The following BRWD1 variants were observed in gnomAD, a reference collection of about 807,000 sequenced individuals.
BRWD1 encodes bromodomain and WD repeat-containing protein 1.
A neutral mutation model predicts 251.2 loss-of-function variants in BRWD1; 82 were observed. The observed-to-expected ratio is 0.33, with a 90% CI of 0.27 to 0.39. The LOEUF (loss-of-function observed/expected upper bound fraction) is 0.39, where lower values mean the gene tolerates loss of function less well. BRWD1 is among the 10% of genes least tolerant of loss of function. The pLI is 1.00. For synonymous variants in BRWD1, 918 were observed against 902.8 expected (o/e 1.02, Z -0.30); for missense variants, 2,233 against 2,711.6 (o/e 0.82, Z 3.92).
intron 4 of BRWD1, among the ~76,000 whole-genome samples, chr21:39,302,204 G>C (rs997377661): frequency 6.6e-6 from 1 of 151,356 alleles, no homozygotes; most frequent in African/African-American, 2.4e-5. Flanking sequence ...GGCTGGTCTC[G>C]AACTCCTGAC....
chr21:39,256,077 C>T (rs1171561706), intron 18 of BRWD1, among the ~76,000 whole-genome samples: 1 of 152,186 alleles, frequency 6.6e-6, no homozygotes, highest in Non-Finnish European at 1.5e-5. Flanking sequence ...CCACGGCTTC[C>T]CAAAGTGCTG....
At chr21:39,211,686 C>T (rs1051364451) in intron 34 of BRWD1, among the ~76,000 whole-genome samples, 11 of 152,106 alleles carry the variant, frequency 7.2e-5, no homozygotes, top group African/African-American at 2.7e-4. Context: ...TCATTTGCTG[C>T]AGCAGACATA....
intron 9 of BRWD1, among the ~76,000 whole-genome samples, chr21:39,279,717 G>C (rs1290850590): frequency 6.7e-6 from 1 of 149,266 alleles, no homozygotes; most frequent in Non-Finnish European, 1.5e-5. Context: ...TTAATCAATT[G>C]TAAGTTTTAA....
At chr21:39,208,630 G>A (rs776994484) in intron 36 of BRWD1, among the ~76,000 whole-genome samples, 2 of 152,170 alleles carry the variant, frequency 1.3e-5, no homozygotes, top group Non-Finnish European at 2.9e-5. Flanking sequence ...TCAGCTCACT[G>A]CAACCTCTGC....
chr21:39,204,767 A>AG, intron 37 of BRWD1, among the ~76,000 whole-genome samples: 1 of 152,214 alleles, frequency 6.6e-6, no homozygotes, highest in Admixed American at 6.5e-5. Flanking sequence ...ATCAGGCATT[A>AG]GATCCTCATA....
chr21:39,313,546 G>A lies in BRWD1; in HGVS notation c.-55C>T, dbSNP rs2036594928. ...AGCGAGCGAGCGGAGCGTGTAGGCC[G>A]CGCCGAGGCCTGACCGGGCTGGCGT... On this transcript the variant is annotated 5_prime_UTR_variant, in exon 1 of 41. Coordinates refer to ENST00000342449, the MANE Select transcript of BRWD1 (RefSeq NM_033656.4). The A allele has an allele frequency of 2.2e-5, 28 of 1,290,670 alleles. No individual in the cohort carries two copies. The highest frequency in any genetic ancestry group is 2.6e-5 in the Non-Finnish European group (27 of 1,019,530). The allele number at this position is 1,290,670 out of a possible 1,614,324, so 80.0% of individuals were successfully genotyped here.
intron 29 of BRWD1, among the ~76,000 whole-genome samples, chr21:39,223,410 T>C (rs998135047): frequency 1.3e-5 from 2 of 152,142 alleles, no homozygotes; most frequent in African/African-American, 4.8e-5. Context: ...CATCAAAGGA[T>C]GTTACAAATC....
chr21:39,238,333 G>T (rs1601353207), intron 22 of BRWD1, 146 bp downstream of exon 22: 1 of 534,130 alleles, frequency 1.9e-6, no homozygotes, highest in Non-Finnish European at 3.3e-6. Context: ...AGGAACAGCT[G>T]TTGGATCTAG....
chr21:39,262,739 A>C (rs1469634570), intron 17 of BRWD1, among the ~76,000 whole-genome samples: 3 of 152,018 alleles, frequency 2.0e-5, no homozygotes, highest in Non-Finnish European at 2.9e-5. Context: ...TGTATATAAA[A>C]CCCTCTTAAA....
rs1028343151 is a variant in BRWD1, at chr21:39,232,497, T to C, written c.2768A>G (p.Asn923Ser). Residue 923 changes from asparagine to serine, a missense_variant and splice_region_variant, in exon 24 of 41, where the codon AAT becomes AGT. Coordinates refer to ENST00000342449, the MANE Select transcript of BRWD1 (RefSeq NM_033656.4). ...CTCTGCTGGAGTCATCCTCCGCAAA[T>C]TCTACCAAGGGGAAGAGAACAAAGT... ...RKKENKPKKENLRRMTPAELA... is the reference protein window; with the variant it reads ...RKKENKPKKESLRRMTPAELA... 1.9e-6 allele frequency: 3 copies of C among 1,587,012 alleles called. No homozygotes were observed. Among genetic ancestry groups the C allele is most frequent in the Non-Finnish European group, 2.6e-6 (3 of 1,173,988 alleles).
intron 29 of BRWD1, chr21:39,219,506 A>G (rs2033087717): frequency 6.6e-6 from 1 of 152,186 alleles, no homozygotes; most frequent in South Asian, 2.1e-4. Flanking sequence ...AAGAAATGTC[A>G]TTTACTGTGT....
At chr21:39,252,262 A>G (rs985254944) in intron 19 of BRWD1, among the ~76,000 whole-genome samples, 13 of 151,816 alleles carry the variant, frequency 8.6e-5, no homozygotes, top group Non-Finnish European at 5.9e-5. Flanking sequence ...AAAAAAAAAA[A>G]AAAATTTATA....
rs148468565 is a variant in BRWD1 at position 39,199,773 on chromosome 21, G to A, written c.4754-111C>T. 1.1e-3 allele frequency: 1,195 copies of A among 1,105,866 alleles called. 7 individuals carry two copies. The African/African-American group carries it at 0.017, about 16-fold the overall frequency. 68.5% of individuals were successfully genotyped at this position (1,105,866 alleles called of 1,614,324 possible). Reference sequence around the variant, plus strand: ...CTTTTTTGGGGGGCGGGGAGGAGACGGAGTTTCGCTCTTGTTGCCCAGGCT... The same window carrying A: ...CTTTTTTGGGGGGCGGGGAGGAGACAGAGTTTCGCTCTTGTTGCCCAGGCT... On this transcript the variant is annotated intron_variant, in intron 39 of 40. Coordinates refer to ENST00000342449, the MANE Select transcript of BRWD1 (RefSeq NM_033656.4).
intron 28 of BRWD1, 24 bp downstream of exon 28, chr21:39,225,061 GA>G: frequency 7.0e-7 from 1 of 1,429,572 alleles, no homozygotes; most frequent in Non-Finnish European, 9.9e-7. Flanking sequence ...ACTGGGAAAT[GA>G]TTAGTTTTCA....
Position 39,191,396 on chromosome 21 carries a change from GTGTTT to G in BRWD1, c.*4858_*4862del, listed in dbSNP as rs946389044. 3.7e-5 allele frequency: 36 copies of G among 985,322 alleles called. No individual in the cohort carries two copies. The highest frequency in any genetic ancestry group is 5.2e-4 in the Middle Eastern group (1 of 1,914). The allele number at this position is 985,322 out of a possible 1,614,324, so 61.0% of individuals were successfully genotyped here. A position where few individuals can be genotyped will look rare whatever the true frequency, so the allele number is the denominator to read the frequency against. On this transcript the variant is annotated 3_prime_UTR_variant, in exon 41 of 41. Coordinates refer to ENST00000342449, the MANE Select transcript of BRWD1 (RefSeq NM_033656.4). ...GCTAGAATGTATTTGGCTTGGAGTAGTGTTTTGTTTTGTTTTTTAACTCTTTTGCT... is the reference window on the plus strand; with the variant it reads ...GCTAGAATGTATTTGGCTTGGAGTAGTGTTTTGTTTTTTAACTCTTTTGCT...
chr21:39,291,045 T>C (rs909581492), intron 8 of BRWD1, among the ~76,000 whole-genome samples: 3 of 152,172 alleles, frequency 2.0e-5, no homozygotes, highest in East Asian at 1.9e-4. Flanking sequence ...TGGGCAGACC[T>C]TGACCCCAGG....
Position 39,196,424 on chromosome 21 carries a change from C to G in BRWD1, c.6645G>C (p.Val2215=). The change falls in exon 41 of 41, where the codon GTG becomes GTC. Residue 2215 remains valine, a synonymous_variant. Transcript: ENST00000342449. The part of the protein sequence containing the change: ...QRQSKRPRLS[V]DDNDWEDLDY... Reference sequence around the variant, plus strand: ...CCAAATCCTCCCAGTCATTATCATCCACACTTAACCTAGGGCGTTTGCTTT... The same window carrying G: ...CCAAATCCTCCCAGTCATTATCATCGACACTTAACCTAGGGCGTTTGCTTT... 6.2e-7 allele frequency: 1 copy of G among 1,613,758 alleles called. No individual in the cohort carries two copies. Among genetic ancestry groups the G allele is most frequent in the Non-Finnish European group, 8.5e-7 (1 of 1,179,754 alleles).
intron 5 of BRWD1, chr21:39,297,161 A>C: frequency 1.0e-6 from 1 of 985,450 alleles, no homozygotes; most frequent in Non-Finnish European, 1.2e-6. Context: ...ATAGCAGCAG[A>C]ACATAGGTTT....
chr21:39,313,246 C>T lies in BRWD1; in HGVS notation c.103G>A (p.Ala35Thr). 1.3e-6 allele frequency: 2 copies of T among 1,546,806 alleles called. No individual in the cohort carries two copies. Among genetic ancestry groups the T allele is most frequent in the Non-Finnish European group, 1.8e-6 (2 of 1,141,566 alleles). Reference sequence around the variant, plus strand: ...GCCCGCGGGCCCGCACTCACCTGGGCCGCTCTCCGACACGGGCCCGCCGAT... The same window carrying T: ...GCCCGCGGGCCCGCACTCACCTGGGTCGCTCTCCGACACGGGCCCGCCGAT... Reference protein sequence around the residue: ...YLSAGPCRRAAQVLVQELEQY... With the variant: ...YLSAGPCRRATQVLVQELEQY... The change falls in exon 2 of 41, where the codon GCC becomes ACC. Residue 35 changes from alanine to threonine, a missense_variant. Around this residue, in one of 12 missense-constraint regions of BRWD1, gnomAD observed 101 missense variants for 95.6 expected, o/e 1.06. Transcript: ENST00000342449.
Sources: allele counts gnomAD v4.1 joint callset (sites outside exome capture counted in the v4.1 genomes callset), GRCh38; gene constraint gnomAD v4.1.1; regional missense constraint gnomAD v4.1.1; transcripts MANE v1.5; gene names NCBI Gene and HGNC (gene_info 2026-07-23, HGNC 2026-07-21).